CSMD1: variants seen among roughly 807,000 people sequenced by gnomAD.
CSMD1 encodes CUB and Sushi multiple domains 1, also known as CUB and sushi domain-containing protein 1.
Under a neutral mutation model 417.5 loss-of-function variants are expected in CSMD1, and 213 were observed. The ratio of observed to expected loss-of-function variants is 0.51; its 90% CI spans 0.46 to 0.57. The LOEUF (loss-of-function observed/expected upper bound fraction) is 0.57. Ranked by LOEUF, CSMD1 falls within the 20% of genes least tolerant of loss-of-function variation. The probability of loss-of-function intolerance (pLI) is 0.00; values close to 1 mark genes in which losing one functional copy is unlikely to be tolerated. For synonymous variants in CSMD1, 2,862 were observed against 1,736.8 expected (o/e 1.65, Z -16.11); for missense variants, 6,923 against 4,529.7 (o/e 1.53, Z -15.17).
At chr8:3,773,272 G>C (rs1584976461) in intron 5 of CSMD1, among the ~76,000 whole-genome samples, 1 of 152,134 alleles carries the variant, frequency 6.6e-6, no homozygotes, top group Non-Finnish European at 1.5e-5. Context: ...TGCATAATTT[G>C]GGGATATAAT....
At chr8:4,637,956 C>A (rs1323571504) in intron 1 of CSMD1, among the ~76,000 whole-genome samples, 1 of 152,138 alleles carries the variant, frequency 6.6e-6, no homozygotes, top group African/African-American at 2.4e-5. Flanking sequence ...AGGCGTGAGC[C>A]ACCGCGCCCG....
intron 6 of CSMD1, among the ~76,000 whole-genome samples, chr8:3,725,292 G>T (rs1273086068): frequency 6.6e-6 from 1 of 152,202 alleles, no homozygotes; most frequent in Non-Finnish European, 1.5e-5. Flanking sequence ...GGGCCATGAA[G>T]ACCTGGACAA....
chr8:4,095,798 T>G (rs944850296), intron 3 of CSMD1, among the ~76,000 whole-genome samples: 2 of 152,230 alleles, frequency 1.3e-5, no homozygotes. Context: ...TATATATGTA[T>G]TTGTATGCAT....
chr8:3,299,218 G>A (rs971021101), intron 25 of CSMD1, among the ~76,000 whole-genome samples: 33 of 152,154 alleles, frequency 2.2e-4, no homozygotes, highest in Non-Finnish European at 4.0e-4. Context: ...TTGGGAGGCC[G>A]AGGTGGGTGG....
chr8:4,459,723 G>A (rs753053603), intron 2 of CSMD1, among the ~76,000 whole-genome samples: 2 of 152,152 alleles, frequency 1.3e-5, no homozygotes, highest in Admixed American at 6.5e-5. Context: ...AAATAATGAA[G>A]CAATCAGGTG....
At chr8:3,302,751 G>A (rs1020323233) in intron 25 of CSMD1, among the ~76,000 whole-genome samples, 2 of 152,200 alleles carry the variant, frequency 1.3e-5, no homozygotes, top group African/African-American at 4.8e-5. Flanking sequence ...AGGAACTGAA[G>A]AGCTCAGAAT....
chr8:3,214,418 T>C, intron 30 of CSMD1, 79 bp downstream of exon 30: 9 of 1,248,542 alleles, frequency 7.2e-6, no homozygotes, highest in Non-Finnish European at 9.9e-6. Flanking sequence ...CGTGTTGAAA[T>C]GTGAAACCAT....
In CSMD1 at chr8:4,872,752, A is replaced by G. The variant is rs114831834; in HGVS notation, c.85+121580T>C. Among the ~76,000 whole-genome samples the G allele has an allele frequency of 5.2e-3, 789 of 152,224 alleles. 11 individuals carry two copies. Among genetic ancestry groups the G allele is most frequent in the African/African-American group, 0.018 (744 of 41,492 alleles). ...CTGTGGATTAAAAGATAATTAAAAGATATCTTGCACATTTATAATTCATAG... is the reference window on the plus strand; with the variant it reads ...CTGTGGATTAAAAGATAATTAAAAGGTATCTTGCACATTTATAATTCATAG... On this transcript the variant is annotated intron_variant, in intron 1 of 69. Transcript: ENST00000635120.
chr8:4,365,962 G>A (rs764993944), intron 3 of CSMD1, among the ~76,000 whole-genome samples: 21 of 151,874 alleles, frequency 1.4e-4, no homozygotes, highest in Middle Eastern at 3.4e-3. Context: ...GGGTATCCAC[G>A]TACAGGTTTG....
At position 4,702,641 on chromosome 8, in the gene CSMD1, CAAAT is replaced by C. The variant is rs368601524; in HGVS notation, c.86-65087_86-65084del. ...CCAGTCCAGAACACACTGAGAATCA[CAAAT>C]AAACGTTTCCAAGAAACATTTTTAA... is the stretch of plus-strand genomic sequence containing the variant. On this transcript the variant is annotated intron_variant, in intron 1 of 69. Coordinates refer to ENST00000635120, the MANE Select transcript of CSMD1 (RefSeq NM_033225.6). 3.3e-3 allele frequency among the ~76,000 whole-genome samples: 503 copies of C among 152,254 alleles called. 5 individuals carry two copies. Among genetic ancestry groups the C allele is most frequent in the African/African-American group, 0.012 (478 of 41,542 alleles).
At chr8:4,469,147 A>C (rs1391490119) in intron 2 of CSMD1, among the ~76,000 whole-genome samples, 3 of 152,192 alleles carry the variant, frequency 2.0e-5, no homozygotes, top group Non-Finnish European at 4.4e-5. Context: ...AAATGGAAGA[A>C]GGCACTACTT....
At chr8:3,606,037 C>T (rs1801594921) in intron 8 of CSMD1, among the ~76,000 whole-genome samples, 1 of 152,088 alleles carries the variant, frequency 6.6e-6, no homozygotes, top group Non-Finnish European at 1.5e-5. Flanking sequence ...TACAAAATCA[C>T]ATGATTGTAA....
chr8:3,480,704 G>C (rs953623146), intron 11 of CSMD1, among the ~76,000 whole-genome samples: 2 of 152,046 alleles, frequency 1.3e-5, no homozygotes, highest in African/African-American at 4.8e-5. Flanking sequence ...TTACCTACAG[G>C]ATAAAACTAC....
At chr8:3,404,124 A>G (rs1368070960) in intron 15 of CSMD1, among the ~76,000 whole-genome samples, 2 of 152,172 alleles carry the variant, frequency 1.3e-5, no homozygotes, top group African/African-American at 4.8e-5. Flanking sequence ...CTCTGAGGTC[A>G]GGAGTTTGAG....
chr8:4,965,589 A>G (rs1376630670), intron 1 of CSMD1, among the ~76,000 whole-genome samples: 1 of 152,206 alleles, frequency 6.6e-6, no homozygotes, highest in East Asian at 1.9e-4. Context: ...TTTATAAATG[A>G]AAGAACTGGG....
intron 26 of CSMD1, among the ~76,000 whole-genome samples, chr8:3,240,773 G>C (rs983406499): frequency 2.0e-5 from 3 of 152,130 alleles, no homozygotes; most frequent in Non-Finnish European, 4.4e-5. Context: ...GGCACCACTG[G>C]GTGGATAGGC....
Position 4,471,881 on chromosome 8 carries a change from C to A in CSMD1, c.303-51816G>T, listed in dbSNP as rs75843390. On this transcript the variant is annotated intron_variant, in intron 2 of 69. Transcript: ENST00000635120. ...GATTAGGCTACAAAAAATGGTGTTT[C>A]CAGTGGGTAGGCTACAAAGGTGTTT... Among the ~76,000 whole-genome samples the A allele has an allele frequency of 6.8e-4, 103 of 152,128 alleles. 1 individual carries two copies. The East Asian group carries it at 0.019, about 28-fold the overall frequency.
At chr8:3,322,838 A>G (rs1261215837) in intron 23 of CSMD1, among the ~76,000 whole-genome samples, 2 of 152,232 alleles carry the variant, frequency 1.3e-5, no homozygotes, top group African/African-American at 4.8e-5. Flanking sequence ...CCTTATTCTT[A>G]ACAAAGGAAA....
At chr8:3,433,598 T>G (rs531871145) in intron 12 of CSMD1, among the ~76,000 whole-genome samples, 1 of 152,132 alleles carries the variant, frequency 6.6e-6, no homozygotes, top group South Asian at 2.1e-4. Flanking sequence ...CACACTCTAG[T>G]GCTGACGAGG....
Sources: allele counts gnomAD v4.1 joint callset (sites outside exome capture counted in the v4.1 genomes callset), GRCh38; gene constraint gnomAD v4.1.1; transcripts MANE v1.5; gene names NCBI Gene and HGNC (gene_info 2026-07-23, HGNC 2026-07-21).